Variants in TMEFF2 observed in about 807,000 individuals in gnomAD.
The protein encoded by TMEFF2 is transmembrane protein with EGF like and two follistatin like domains 2, also known as tomoregulin-2.
TMEFF2 carries 28 observed loss-of-function variants against 53.8 expected under a neutral mutation model. The observed-to-expected ratio is 0.52, with a 90% CI of 0.39 to 0.71. The LOEUF is 0.71. Ranked by LOEUF, TMEFF2 falls within the 30% of genes least tolerant of loss-of-function variation. The probability of loss-of-function intolerance (pLI) is 0.00; values close to 1 mark genes in which losing one functional copy is unlikely to be tolerated. For synonymous variants in TMEFF2, 162 were observed against 166.3 expected, an observed-to-expected ratio of 0.97 and a Z score of 0.20; for missense variants, 353 against 455.2, an observed-to-expected ratio of 0.78 and a Z score of 2.04.
intron 7 of TMEFF2, 125 bp from the exon 8 acceptor site, chr2:191,956,503 G>GC: frequency 9.1e-7 from 1 of 1,093,026 alleles, no homozygotes; most frequent in Non-Finnish European, 1.3e-6. Flanking sequence ...AAAGGGCTAT[G>GC]CTTCAGAAAT....
intron 4 of TMEFF2, among the ~76,000 whole-genome samples, chr2:192,172,665 A>C (rs977526502): frequency 5.9e-5 from 9 of 152,040 alleles, no homozygotes; most frequent in African/African-American, 2.2e-4. Context: ...GCAATCATTA[A>C]GTCCCATGGA....
chr2:192,023,737 G>C (rs1037534195), intron 5 of TMEFF2, among the ~76,000 whole-genome samples: 14 of 152,016 alleles, frequency 9.2e-5, no homozygotes, highest in African/African-American at 3.1e-4. Context: ...AATTTCATTA[G>C]GTCTGCTAGT....
At chr2:192,030,053 A>T (rs1193051598) in intron 5 of TMEFF2, among the ~76,000 whole-genome samples, 2 of 152,218 alleles carry the variant, frequency 1.3e-5, no homozygotes, top group Non-Finnish European at 2.9e-5. Flanking sequence ...CATTGAGACA[A>T]ACCGATCTAG....
chr2:191,965,553 C>G (rs949304392), intron 7 of TMEFF2, among the ~76,000 whole-genome samples: 1 of 152,040 alleles, frequency 6.6e-6, no homozygotes, highest in Non-Finnish European at 1.5e-5. Flanking sequence ...AAATAATTCT[C>G]AAGTTATTCC....
At chr2:192,036,338 T>C (rs1687292745) in intron 5 of TMEFF2, 1 of 152,210 alleles carries the variant, frequency 6.6e-6, no homozygotes, top group African/African-American at 2.4e-5. Context: ...CAGAATGCAC[T>C]TCAAAGACTA....
chr2:192,167,892 C>T (rs1249142269), intron 4 of TMEFF2, among the ~76,000 whole-genome samples: 1 of 152,134 alleles, frequency 6.6e-6, no homozygotes, highest in Non-Finnish European at 1.5e-5. Flanking sequence ...ATGCATGCAT[C>T]AACTAATTGT....
At chr2:192,087,448 A>T (rs1688692721) in intron 4 of TMEFF2, among the ~76,000 whole-genome samples, 1 of 152,144 alleles carries the variant, frequency 6.6e-6, no homozygotes, top group Non-Finnish European at 1.5e-5. Context: ...TCCCAACAGT[A>T]CAGTGAAAAA....
chr2:192,159,397 T>C (rs1245253073), intron 4 of TMEFF2, among the ~76,000 whole-genome samples: 1 of 152,166 alleles, frequency 6.6e-6, no homozygotes, highest in Non-Finnish European at 1.5e-5. Context: ...GATTGGCTCA[T>C]TAAAATATAG....
chr2:192,136,731 C>G (rs939914697), intron 4 of TMEFF2, among the ~76,000 whole-genome samples: 2 of 152,070 alleles, frequency 1.3e-5, no homozygotes, highest in Non-Finnish European at 2.9e-5. Flanking sequence ...CACATTTATG[C>G]CTTTTTTAAA....
chr2:192,021,708 G>A (rs1375498986), intron 5 of TMEFF2, among the ~76,000 whole-genome samples: 1 of 152,170 alleles, frequency 6.6e-6, no homozygotes, highest in African/African-American at 2.4e-5. Context: ...CATAGTACAT[G>A]GTAACATTGG....
chr2:192,171,826 A>T (rs147711209), intron 4 of TMEFF2, among the ~76,000 whole-genome samples: 2 of 152,086 alleles, frequency 1.3e-5, no homozygotes, highest in Non-Finnish European at 2.9e-5. Flanking sequence ...TCATTACCAT[A>T]TGACAATCTG....
rs185076633 is a variant in TMEFF2 at position 192,000,067 on chromosome 2, T to C, written c.537-859A>G. ...GAAGAATTAAACATTTTCAAGAAAA[T>C]TTTATATGATTGTTCCTATATCTTT... On this transcript the variant is annotated intron_variant, in intron 5 of 9. Transcript: ENST00000272771. Among the ~76,000 whole-genome samples the C allele has an allele frequency of 4.6e-4, 70 of 152,244 alleles. 1 individual carries two copies. Among genetic ancestry groups the C allele is most frequent in the African/African-American group, 1.7e-3 (70 of 41,554 alleles).
intron 4 of TMEFF2, among the ~76,000 whole-genome samples, chr2:192,087,767 T>C (rs926918892): frequency 3.9e-5 from 6 of 152,166 alleles, no homozygotes; most frequent in African/African-American, 1.4e-4. Context: ...TATATCATAC[T>C]CATACTTGAC....
intron 4 of TMEFF2, among the ~76,000 whole-genome samples, chr2:192,135,525 T>C (rs1385068625): frequency 1.3e-5 from 2 of 152,064 alleles, no homozygotes; most frequent in Admixed American, 6.6e-5. Context: ...GCTTAATGTC[T>C]CCCAGTCGAG....
intron 7 of TMEFF2, 86 bp from the exon 8 acceptor site, chr2:191,956,464 A>G (rs1692099871): frequency 7.0e-7 from 1 of 1,420,110 alleles, no homozygotes; most frequent in Non-Finnish European, 9.4e-7. Context: ...AAGCTATGGT[A>G]GGCAAAGATA....
chr2:192,149,785 T>A (rs1690340858), intron 4 of TMEFF2, among the ~76,000 whole-genome samples: 2 of 151,922 alleles, frequency 1.3e-5, no homozygotes, highest in Admixed American at 6.6e-5. Context: ...TAATAAGAAG[T>A]CTATCTTACA....
intron 4 of TMEFF2, among the ~76,000 whole-genome samples, chr2:192,142,154 T>A (rs552709692): frequency 1.3e-5 from 2 of 152,262 alleles, no homozygotes; most frequent in East Asian, 3.9e-4. Context: ...GAGATCTTAT[T>A]TTAAAATGTA....
chr2:192,171,493 A>G (rs949845427), intron 4 of TMEFF2, among the ~76,000 whole-genome samples: 6 of 151,834 alleles, frequency 4.0e-5, no homozygotes, highest in Non-Finnish European at 5.9e-5. Flanking sequence ...GACCCTTCCA[A>G]TGGCTCCCTG....
intron 4 of TMEFF2, among the ~76,000 whole-genome samples, chr2:192,077,926 C>T (rs1317764979): frequency 1.3e-5 from 2 of 152,048 alleles, no homozygotes; most frequent in African/African-American, 4.8e-5. Flanking sequence ...CTCCTTGCCA[C>T]CCCCGTGTGT....
Sources: gnomAD v4.1 joint callset for allele counts (sites outside exome capture counted in the v4.1 genomes callset) on GRCh38, gnomAD v4.1.1 for gene constraint, MANE v1.5 for transcripts, NCBI Gene and HGNC (gene_info 2026-07-23, HGNC 2026-07-21) for gene names.